Variants in YWHAQ observed in about 807,000 individuals in gnomAD.
YWHAQ encodes the protein 14-3-3 protein theta.
Under a neutral mutation model 28.3 loss-of-function variants are expected in YWHAQ, and 6 were observed. That is an observed-to-expected ratio of 0.21 (90% confidence interval 0.12 to 0.42). The LOEUF (loss-of-function observed/expected upper bound fraction) is 0.42. YWHAQ is among the 10% of genes least tolerant of loss of function. The pLI, the probability that YWHAQ is intolerant of heterozygous loss-of-function variation, is 1.00. For synonymous variants in YWHAQ, 143 were observed against 119.1 expected (o/e 1.20, Z -1.31); for missense variants, 201 against 305.6 (o/e 0.66, Z 2.55).
At chr2:9,618,205 TA>T (rs546991900) in intron 2 of YWHAQ, among the ~76,000 whole-genome samples, 4 of 152,098 alleles carry the variant, frequency 2.6e-5, no homozygotes, top group Non-Finnish European at 5.9e-5. Context: ...GTGAATAAAC[TA>T]AAAACCACAG....
At chr2:9,624,782 T>C (rs1667215622) in intron 2 of YWHAQ, among the ~76,000 whole-genome samples, 1 of 152,042 alleles carries the variant, frequency 6.6e-6, no homozygotes, top group Non-Finnish European at 1.5e-5. Context: ...AGTTTCGCTC[T>C]GTCGCCTAGG....
chr2:9,588,349 G>A (rs375412137), intron 3 of YWHAQ, 21 bp from the exon 4 acceptor site: 74 of 1,601,726 alleles, frequency 4.6e-5, no homozygotes, highest in Non-Finnish European at 6.0e-5. Context: ...CGAAAAATAA[G>A]AAGTGCAATA....
intron 2 of YWHAQ, among the ~76,000 whole-genome samples, chr2:9,606,517 ATC>A (rs1666831395): frequency 6.6e-6 from 1 of 151,404 alleles, no homozygotes; most frequent in African/African-American, 2.4e-5. Flanking sequence ...GCAGGTGAAC[ATC>A]TGTCTGTGTG....
At chr2:9,618,057 G>A (rs1667069958) in intron 2 of YWHAQ, among the ~76,000 whole-genome samples, 1 of 152,140 alleles carries the variant, frequency 6.6e-6, no homozygotes, top group African/African-American at 2.4e-5. Context: ...TCCAGAAGAG[G>A]CAAATCTATA....
chr2:9,603,224 C>T (rs1406964707), intron 2 of YWHAQ, among the ~76,000 whole-genome samples: 1 of 151,606 alleles, frequency 6.6e-6, no homozygotes, highest in African/African-American at 2.4e-5. Context: ...CATGAATGGC[C>T]TGACCAGTCA....
At chr2:9,608,414 C>A (rs538188880) in intron 2 of YWHAQ, among the ~76,000 whole-genome samples, 1 of 152,208 alleles carries the variant, frequency 6.6e-6, no homozygotes, top group South Asian at 2.1e-4. Flanking sequence ...AATCTACTTC[C>A]TGGGTTTTTG....
chr2:9,597,985 A>ATTTTTTTTTTTTTTTTTTTTT lies in YWHAQ; in HGVS notation c.295-6491_295-6471dup, dbSNP rs547582835. 1.1e-4 allele frequency among the ~76,000 whole-genome samples: 7 copies of ATTTTTTTTTTTTTTTTTTTTT among 62,478 alleles called. 1 individual carries two copies. The highest frequency in any genetic ancestry group is 4.2e-4 in the African/African-American group (7 of 16,678). The allele number at this position is 62,478 out of a possible 152,430, so 41.0% of individuals were successfully genotyped here. A position where few individuals can be genotyped will look rare whatever the true frequency, so the allele number is the denominator to read the frequency against. On this transcript the variant is annotated intron_variant, in intron 2 of 5. Coordinates refer to ENST00000238081, the MANE Select transcript of YWHAQ (RefSeq NM_006826.4). The stretch of plus-strand genomic sequence containing the variant: ...CAGGCATGCACCACCATGCCGGGCT[A>ATTTTTTTTTTTTTTTTTTTTT]TTTTTTTTTTTTTTTTTTTTTTTTT...
chr2:9,622,196 A>T (rs538978003), intron 2 of YWHAQ, among the ~76,000 whole-genome samples: 2 of 152,040 alleles, frequency 1.3e-5, no homozygotes, highest in Non-Finnish European at 2.9e-5. Flanking sequence ...AAAAAAAAAA[A>T]ATACAATTAT....
At chr2:9,603,568 C>A (rs1666757833) in intron 2 of YWHAQ, among the ~76,000 whole-genome samples, 2 of 151,684 alleles carry the variant, frequency 1.3e-5, no homozygotes, top group South Asian at 4.2e-4. Flanking sequence ...AGCCACCATG[C>A]CTGGCTTTCC....
rs748332272 is a variant in YWHAQ, at chr2:9,630,116, A to T, written c.294+43T>A. ...GCCCGCGAAACTCTCAATGAAAAGCATCTCACAAAAGGCCTCCCCTGCTCC... is the reference window on the plus strand; with the variant it reads ...GCCCGCGAAACTCTCAATGAAAAGCTTCTCACAAAAGGCCTCCCCTGCTCC... On this transcript the variant is annotated intron_variant, in intron 2 of 5. Transcript: ENST00000238081. This position sits in a 1 kb window ranked among gnomAD's most constrained non-coding sequence, Gnocchi z 5.6. 2 of 1,575,378 alleles carry T rather than the reference A, an allele frequency of 1.3e-6. No individual in the cohort carries two copies. Among genetic ancestry groups the T allele is most frequent in the Non-Finnish European group, 1.7e-6 (2 of 1,157,498 alleles).
intron 5 of YWHAQ, among the ~76,000 whole-genome samples, chr2:9,585,713 T>A (rs958785403): frequency 1.3e-5 from 2 of 152,060 alleles, no homozygotes; most frequent in African/African-American, 4.8e-5. Context: ...TTCAACAGCC[T>A]GGACAACATA....
intron 2 of YWHAQ, among the ~76,000 whole-genome samples, chr2:9,610,129 TTGA>T (rs1666915821): frequency 6.6e-6 from 1 of 152,218 alleles, no homozygotes; most frequent in South Asian, 2.1e-4. Flanking sequence ...AACTGAAGTA[TTGA>T]TTATTTGCTC....
At chr2:9,598,015 G>A (rs1457925664) in intron 2 of YWHAQ, among the ~76,000 whole-genome samples, 4 of 47,592 alleles carry the variant, frequency 8.4e-5, no homozygotes, top group African/African-American at 5.1e-4. Flanking sequence ...TTTTTTTTTA[G>A]TAGAGACAAG....
At chr2:9,589,544 T>C (rs1324998423) in intron 3 of YWHAQ, among the ~76,000 whole-genome samples, 2 of 152,136 alleles carry the variant, frequency 1.3e-5, no homozygotes, top group African/African-American at 2.4e-5. Flanking sequence ...GATCGCGCCA[T>C]TGCACTTCAA....
At chr2:9,590,715 T>C (rs1164813412) in intron 3 of YWHAQ, among the ~76,000 whole-genome samples, 1 of 151,922 alleles carries the variant, frequency 6.6e-6, no homozygotes, top group African/African-American at 2.4e-5. Flanking sequence ...TATGATAGTC[T>C]AGGTTAAAAA....
chr2:9,612,379 G>A (rs1666965339), intron 2 of YWHAQ, among the ~76,000 whole-genome samples: 1 of 152,190 alleles, frequency 6.6e-6, no homozygotes, highest in African/African-American at 2.4e-5. Flanking sequence ...TTGTTCTGCA[G>A]ACTCAAGGTC....
chr2:9,610,354 T>C (rs186066287), intron 2 of YWHAQ, among the ~76,000 whole-genome samples: 258 of 152,310 alleles, frequency 1.7e-3, no homozygotes, highest in African/African-American at 6.0e-3. Flanking sequence ...TCTTAATTCA[T>C]AGGGTTGTTG....
At chr2:9,615,812 CAAAG>C (rs780914805) in intron 2 of YWHAQ, among the ~76,000 whole-genome samples, 3 of 152,146 alleles carry the variant, frequency 2.0e-5, no homozygotes, top group Non-Finnish European at 2.9e-5. Context: ...TAGGAGAACT[CAAAG>C]AACACGATTC....
chr2:9,597,134 A>G (rs1328691942), intron 2 of YWHAQ, among the ~76,000 whole-genome samples: 3 of 152,200 alleles, frequency 2.0e-5, no homozygotes, highest in African/African-American at 7.2e-5. Context: ...ATTATGATCT[A>G]AAGGTCTCTG....
Sources: gnomAD v4.1 joint callset for allele counts (sites outside exome capture counted in the v4.1 genomes callset) on GRCh38, gnomAD v4.1.1 for gene constraint, Gnocchi (gnomAD v3.1) non-coding constraint, MANE v1.5 for transcripts, NCBI Gene and HGNC (gene_info 2026-07-23, HGNC 2026-07-21) for gene names.